MOSPD2: variants seen among roughly 807,000 people sequenced by gnomAD.
The protein encoded by MOSPD2 is motile sperm domain-containing protein 2.
In MOSPD2, 5 loss-of-function variants were observed where a neutral mutation model predicts 41.7. The observed-to-expected ratio is 0.12, with a 90% confidence interval of 0.06 to 0.25. The LOEUF (loss-of-function observed/expected upper bound fraction) is 0.25. Among genes scored for constraint, MOSPD2 ranks in the 10% least tolerant of loss-of-function variants. The pLI, the probability that MOSPD2 is intolerant of heterozygous loss-of-function variation, is 1.00. For missense variants in MOSPD2, 282 were observed against 375.2 expected, an observed-to-expected ratio of 0.75 and a Z score of 2.05; for synonymous variants, 115 against 126.9, an observed-to-expected ratio of 0.91 and a Z score of 0.63.
rs2092604349 is a variant in MOSPD2, at chrX:14,918,692, T to C, written c.1329T>C (p.His443=). The change falls in exon 14 of 15, where the codon CAT becomes CAC. Residue 443 remains histidine, a synonymous_variant. Coordinates refer to ENST00000380492, the MANE Select transcript of MOSPD2 (RefSeq NM_152581.4). ...TGGATTTTAATAGGTTAAGATGCCA[T>C]ACTGTTGAAAGCAGTAAACCAAACA... ...NKVMEHRLRC[H]TVESSKPNTL... The C allele has an allele frequency of 8.4e-7, 1 of 1,184,571 alleles. No individual in the cohort carries two copies. Among genetic ancestry groups the C allele is most frequent in the Non-Finnish European group, 1.1e-6 (1 of 874,286 alleles).
At chrX:14,918,076 T>C (rs1254946018) in intron 13 of MOSPD2, among the ~76,000 whole-genome samples, 1 of 111,768 alleles carries the variant, frequency 8.9e-6, no homozygotes, top group African/African-American at 3.2e-5. Context: ...TTATCAAGAG[T>C]TTTTCTTTTG....
chrX:14,919,224 AT>A (rs1244740068), intron 14 of MOSPD2, among the ~76,000 whole-genome samples: 1 of 111,838 alleles, frequency 8.9e-6, no homozygotes, highest in Non-Finnish European at 1.9e-5. Flanking sequence ...AAGAAAAGAA[AT>A]GGTGTAAGCA....
intron 8 of MOSPD2, among the ~76,000 whole-genome samples, chrX:14,910,047 G>T (rs2092588863): frequency 1.8e-5 from 2 of 110,098 alleles, no homozygotes; most frequent in Admixed American, 1.9e-4. Context: ...TATAGAAACG[G>T]TTATTTTATT....
rs2092608737 is a variant in MOSPD2, at chrX:14,921,025, G to A, written c.*1216G>A. On this transcript the variant is annotated 3_prime_UTR_variant, in exon 15 of 15. Coordinates refer to ENST00000380492, the MANE Select transcript of MOSPD2 (RefSeq NM_152581.4). ...GCCTTTGATATGGTAGTACCCACCC[G>A]GTATTCCTAAAATCCTAAAAAGATA... is the stretch of plus-strand genomic sequence containing the variant. 2.8e-5 allele frequency: 21 copies of A among 761,470 alleles called. No individual in the cohort carries two copies. The highest frequency in any genetic ancestry group is 1.4e-4 in the South Asian group (2 of 14,757). 62.8% of individuals were successfully genotyped at this position (761,470 alleles called of 1,213,427 possible).
At chrX:14,912,141 T>C (rs1423361209) in intron 9 of MOSPD2, 108 bp from the exon 10 acceptor site, 4 of 392,590 alleles carry the variant, frequency 1.0e-5, no homozygotes, top group South Asian at 1.0e-4. Flanking sequence ...AAGGACCATA[T>C]TGTATTTTCT....
intron 2 of MOSPD2, among the ~76,000 whole-genome samples, chrX:14,887,576 AAC>A (rs372771909): frequency 9.6e-4 from 108 of 112,134 alleles, no homozygotes; most frequent in African/African-American, 3.3e-3. Context: ...TTAGCCTTAA[AAC>A]ACAGTTTCAG....
intron 6 of MOSPD2, among the ~76,000 whole-genome samples, chrX:14,902,013 A>G (rs951867870): frequency 1.4e-4 from 15 of 110,561 alleles, no homozygotes; most frequent in African/African-American, 4.6e-4. Flanking sequence ...TTCTACCTAC[A>G]TAATATAGTT....
intron 3 of MOSPD2, among the ~76,000 whole-genome samples, chrX:14,894,507 A>G (rs1210777758): frequency 3.6e-5 from 4 of 109,834 alleles, no homozygotes; most frequent in African/African-American, 1.3e-4. Context: ...TAGCAGAGAC[A>G]GGGTTTCACT....
At chrX:14,913,680 T>C (rs1196296863) in intron 10 of MOSPD2, among the ~76,000 whole-genome samples, 2 of 111,833 alleles carry the variant, frequency 1.8e-5, no homozygotes, top group Admixed American at 9.5e-5. Flanking sequence ...GTACAGACAT[T>C]CCTGATATAA....
At chrX:14,919,352 G>A (rs974553719) in intron 14 of MOSPD2, among the ~76,000 whole-genome samples, 1 of 111,896 alleles carries the variant, frequency 8.9e-6, no homozygotes, top group Non-Finnish European at 1.9e-5. Flanking sequence ...GTACCAATTA[G>A]TGCATTTAAA....
intron 7 of MOSPD2, among the ~76,000 whole-genome samples, chrX:14,905,715 T>G (rs977449401): frequency 2.7e-4 from 30 of 110,346 alleles, no homozygotes; most frequent in African/African-American, 9.2e-4. Flanking sequence ...GCTGGTCTAG[T>G]CTTGAACCTC....
Position 14,920,456 on chromosome X carries a change from G to C in MOSPD2, c.*647G>C. ...TTTTATTAATCTCAGGCTTTTTTAT[G>C]AACACTCTCATTTCAGTAGAATTTG... On this transcript the variant is annotated 3_prime_UTR_variant, in exon 15 of 15. Coordinates refer to ENST00000380492, the MANE Select transcript of MOSPD2 (RefSeq NM_152581.4). 4.0e-6 allele frequency: 3 copies of C among 753,815 alleles called. No individual in the cohort carries two copies. Among genetic ancestry groups the C allele is most frequent in the Non-Finnish European group, 4.7e-6 (3 of 639,168 alleles). The allele number at this position is 753,815 out of a possible 1,213,427, so 62.1% of individuals were successfully genotyped here. A position where few individuals can be genotyped will look rare whatever the true frequency, so the allele number is the denominator to read the frequency against.
At chrX:14,907,859 ATC>A (rs2092584917) in intron 7 of MOSPD2, among the ~76,000 whole-genome samples, 1 of 111,772 alleles carries the variant, frequency 8.9e-6, no homozygotes, top group Admixed American at 9.5e-5. Flanking sequence ...TGTAAATTAT[ATC>A]TCAATAAAGT....
Position 14,903,288 on chromosome X carries a change from C to T in MOSPD2, c.577+284C>T, listed in dbSNP as rs182908785. Among the ~76,000 whole-genome samples, 66 of 109,060 alleles carry T rather than the reference C, an allele frequency of 6.1e-4. No individual in the cohort carries two copies. The East Asian group carries it at 7.2e-3, about 12-fold the overall frequency. The allele number at this position is 109,060 out of a possible 115,157, so 94.7% of individuals were successfully genotyped here. On this transcript the variant is annotated intron_variant, in intron 7 of 14. Coordinates refer to ENST00000380492, the MANE Select transcript of MOSPD2 (RefSeq NM_152581.4). Reference sequence around the variant, plus strand: ...ACTCAGGAGGCTGAGGCAGGAGGATCACTTGAACCCATGAGTTTGAGGCCA... The same window carrying T: ...ACTCAGGAGGCTGAGGCAGGAGGATTACTTGAACCCATGAGTTTGAGGCCA...
At chrX:14,910,173 C>T (rs908196257) in intron 8 of MOSPD2, among the ~76,000 whole-genome samples, 7 of 109,768 alleles carry the variant, frequency 6.4e-5, no homozygotes, top group African/African-American at 2.0e-4. Context: ...AATACATATA[C>T]ATGATTTTTT....
chrX:14,917,737 G>C (rs1350719694), intron 13 of MOSPD2, among the ~76,000 whole-genome samples: 3 of 111,843 alleles, frequency 2.7e-5, no homozygotes, highest in Non-Finnish European at 5.6e-5. Flanking sequence ...GAAACCTTCA[G>C]GGCTGGGCGC....
At position 14,897,165 on chromosome X, in the gene MOSPD2, G is replaced by A; in HGVS notation, c.404G>A (p.Arg135His). ...AAGCTCATAGCATTCTGGTTGGAAC[G>A]TTATGCTAAGAGGGAAAATGGGAAA... ...KKKLIAFWLE[R>H]YAKRENGKPV... is the part of the protein sequence containing the mutation. The change falls in exon 5 of 15, where the codon CGT (arginine) becomes CAT (histidine). Residue 135 changes from arginine to histidine, a missense_variant. Physicochemically the swap from Arg to His is conservative, Grantham distance 29. Coordinates refer to ENST00000380492, the MANE Select transcript of MOSPD2 (RefSeq NM_152581.4). 6.6e-6 allele frequency: 8 copies of A among 1,207,816 alleles called. No individual in the cohort carries two copies. Among genetic ancestry groups the A allele is most frequent in the Non-Finnish European group, 7.8e-6 (7 of 892,485 alleles).
At chrX:14,914,994 A>T (rs1443302494) in intron 11 of MOSPD2, among the ~76,000 whole-genome samples, 1 of 111,869 alleles carries the variant, frequency 8.9e-6, no homozygotes, top group Non-Finnish European at 1.9e-5. Flanking sequence ...TGTAGTTTAT[A>T]TCGGATATTA....
At chrX:14,873,885 G>C in intron 2 of MOSPD2, 127 bp downstream of exon 2, 1 of 576,620 alleles carries the variant, frequency 1.7e-6, no homozygotes, top group East Asian at 3.3e-5. Context: ...ATGATGCTGG[G>C]CACGTCTCAA....
Sources: gnomAD v4.1 joint callset for allele counts (sites outside exome capture counted in the v4.1 genomes callset) on GRCh38, gnomAD v4.1.1 for gene constraint, MANE v1.5 for transcripts, NCBI Gene and HGNC (gene_info 2026-07-23, HGNC 2026-07-21) for gene names.